Variants in PCDH7 observed in about 807,000 individuals in gnomAD.
PCDH7 encodes protocadherin 7, also known as protocadherin-7.
A neutral mutation model predicts 58.9 loss-of-function variants in PCDH7; 17 were observed. The observed-to-expected ratio is 0.29, with a 90% CI of 0.20 to 0.43. The LOEUF is 0.43. Among genes scored for constraint, PCDH7 ranks in the 20% least tolerant of loss-of-function variants. PCDH7 has a pLI of 1.00. For synonymous variants in PCDH7, 664 were observed against 616.4 expected (o/e 1.08, Z -1.14); for missense variants, 1,274 against 1,441.0 (o/e 0.88, Z 1.88).
intron 3 of PCDH7, among the ~76,000 whole-genome samples, chr4:30,968,562 C>A (rs1365874562): frequency 6.6e-6 from 1 of 151,598 alleles, no homozygotes; most frequent in Non-Finnish European, 1.5e-5. Flanking sequence ...ATCCCTTAAC[C>A]TTCTAAAGAC....
chr4:30,889,578 T>C (rs966840112), intron 1 of PCDH7, among the ~76,000 whole-genome samples: 1 of 152,184 alleles, frequency 6.6e-6, no homozygotes, highest in Non-Finnish European at 1.5e-5. Context: ...AACAAAATAC[T>C]ATAAACTGGT....
At chr4:30,930,816 G>A (rs1560511205) in intron 2 of PCDH7, among the ~76,000 whole-genome samples, 1 of 152,046 alleles carries the variant, frequency 6.6e-6, no homozygotes, top group African/African-American at 2.4e-5. Context: ...GCACATGCCT[G>A]TAGTCCTAGC....
In PCDH7 at chr4:31,139,408, T is replaced by G. The variant is rs76036950; in HGVS notation, c.*8-3065T>G. On this transcript the variant is annotated intron_variant, in intron 3 of 3. Coordinates refer to the PCDH7 transcript ENST00000509759. ...ACAACAGTACTAAAGCATAAAATAATGTTCTTAGATGTTAGAAAAGACATC... is the reference window on the plus strand; with the variant it reads ...ACAACAGTACTAAAGCATAAAATAAGGTTCTTAGATGTTAGAAAAGACATC... Among the ~76,000 whole-genome samples the G allele has an allele frequency of 6.6e-3, 1,009 of 152,308 alleles. 15 individuals are homozygous for G. The highest frequency in any genetic ancestry group is 0.023 in the African/African-American group (965 of 41,560).
At chr4:31,114,966 C>A (rs1446078088) in intron 3 of PCDH7, among the ~76,000 whole-genome samples, 1 of 152,240 alleles carries the variant, frequency 6.6e-6, no homozygotes, top group Non-Finnish European at 1.5e-5. Flanking sequence ...AGCTATTCAA[C>A]GCCCTTTGTC....
intron 3 of PCDH7, among the ~76,000 whole-genome samples, chr4:31,030,634 C>T (rs912438432): frequency 3.3e-4 from 50 of 152,246 alleles, no homozygotes; most frequent in African/African-American, 1.1e-3. Flanking sequence ...ATTTCAATTA[C>T]TTATGGCTTA....
intron 1 of PCDH7, among the ~76,000 whole-genome samples, chr4:30,785,033 C>G (rs1434962560): frequency 6.6e-6 from 1 of 151,790 alleles, no homozygotes. Flanking sequence ...AAACATGTAC[C>G]AAAAACACTG....
chr4:30,812,674 G>T (rs1727177531), intron 1 of PCDH7, among the ~76,000 whole-genome samples: 3 of 152,006 alleles, frequency 2.0e-5, no homozygotes, highest in African/African-American at 2.4e-5. Flanking sequence ...AAAAGGGTAG[G>T]TTCTCTTGGT....
chr4:30,882,927 G>T (rs1737181815), intron 1 of PCDH7, among the ~76,000 whole-genome samples: 1 of 152,072 alleles, frequency 6.6e-6, no homozygotes, highest in Non-Finnish European at 1.5e-5. Context: ...TATCACTTGA[G>T]ACTCTTATTG....
chr4:30,816,545 G>C (rs1577916437), intron 1 of PCDH7, among the ~76,000 whole-genome samples: 2 of 147,678 alleles, frequency 1.4e-5, no homozygotes, highest in Admixed American at 1.3e-4. Context: ...ATTTTGGAAT[G>C]AGTTTTTTTT....
chr4:30,942,801 G>A lies in PCDH7; in HGVS notation c.288-7319G>A, dbSNP rs149602980. 2.6e-5 allele frequency among the ~76,000 whole-genome samples: 4 copies of A among 151,468 alleles called. No homozygotes were observed. In the East Asian group the frequency reaches 7.8e-4, roughly 29 times the overall value. ...TTAATTTACTTATTACTAAAATATT[G>A]TTGAAATCTAATTTCAAAGACAGCT... On this transcript the variant is annotated intron_variant, in intron 2 of 3. Coordinates refer to the PCDH7 transcript ENST00000509759.
At chr4:30,945,502 A>T (rs979175405) in intron 2 of PCDH7, among the ~76,000 whole-genome samples, 3 of 152,170 alleles carry the variant, frequency 2.0e-5, no homozygotes, top group Non-Finnish European at 4.4e-5. Context: ...AATGAGCTGT[A>T]TATAGAATTC....
chr4:31,064,541 C>T (rs1463110667), intron 3 of PCDH7, among the ~76,000 whole-genome samples: 2 of 151,980 alleles, frequency 1.3e-5, no homozygotes, highest in African/African-American at 4.8e-5. Flanking sequence ...GCCACGATCC[C>T]TTCAGAGCCT....
rs1402595049 is a variant in PCDH7 at position 30,721,488 on chromosome 4, G to A, written c.66G>A (p.Pro22=). The stretch of plus-strand genomic sequence containing the variant: ...GCTTGGGCTGCTGCCTCCTCCTGCC[G>A]CTCTCGCTCAGCCTGGCGGCCGCCA... Residue 22 remains proline, a synonymous_variant, in exon 1 of 2, where the codon CCG becomes CCA. Transcript: ENST00000361762. The surrounding 1 kb of genome is among the most constrained non-coding windows in gnomAD (Gnocchi z 6.7). 18 of 1,593,014 alleles carry A rather than the reference G, an allele frequency of 1.1e-5. No individual in the cohort carries two copies. Among genetic ancestry groups the A allele is most frequent in the Non-Finnish European group, 1.5e-5 (18 of 1,175,146 alleles).
intron 1 of PCDH7, among the ~76,000 whole-genome samples, chr4:30,912,155 A>G (rs1249324730): frequency 6.6e-6 from 1 of 152,210 alleles, no homozygotes; most frequent in Non-Finnish European, 1.5e-5. Context: ...AAAGAAAGGC[A>G]GTTTGAAGTA....
At chr4:31,103,133 A>G (rs1217185186) in intron 3 of PCDH7, among the ~76,000 whole-genome samples, 3 of 152,230 alleles carry the variant, frequency 2.0e-5, no homozygotes, top group Non-Finnish European at 2.9e-5. Flanking sequence ...TACAAGACGT[A>G]TGACTAACTG....
downstream of PCDH7, chr4:31,146,734 T>A (rs1484722543): frequency 1.3e-5 from 2 of 152,280 alleles, no homozygotes; most frequent in African/African-American, 4.8e-5. Flanking sequence ...TTTTGTACAG[T>A]TTTATGTAAA....
At chr4:30,790,980 T>C (rs1289452119) in intron 1 of PCDH7, among the ~76,000 whole-genome samples, 1 of 152,118 alleles carries the variant, frequency 6.6e-6, no homozygotes, top group African/African-American at 2.4e-5. Context: ...ATACATGCTG[T>C]AGACAGAAAA....
chr4:31,104,766 T>G (rs1345098565), intron 3 of PCDH7, among the ~76,000 whole-genome samples: 5 of 152,180 alleles, frequency 3.3e-5, no homozygotes, highest in African/African-American at 1.2e-4. Flanking sequence ...CTGCCAGAAT[T>G]GTGTTTGTTG....
intron 3 of PCDH7, among the ~76,000 whole-genome samples, chr4:31,050,403 G>A (rs1191125479): frequency 6.6e-6 from 1 of 152,074 alleles, no homozygotes; most frequent in Non-Finnish European, 1.5e-5. Context: ...CACAATAATT[G>A]TACTGACAGT....
Sources: gnomAD v4.1 joint callset for allele counts (sites outside exome capture counted in the v4.1 genomes callset) on GRCh38, gnomAD v4.1.1 for gene constraint, Gnocchi (gnomAD v3.1) non-coding constraint, MANE v1.5 for transcripts, NCBI Gene and HGNC (gene_info 2026-07-23, HGNC 2026-07-21) for gene names.